NLGN4X: variants seen among roughly 807,000 people sequenced by gnomAD.
The protein encoded by NLGN4X is neuroligin 4 X-linked.
Under a neutral mutation model 40.3 loss-of-function variants are expected in NLGN4X, and 3 were observed. The observed-to-expected ratio is 0.07, with a 90% confidence interval of 0.03 to 0.19. The LOEUF is 0.19. Ranked by LOEUF, NLGN4X falls within the 10% of genes least tolerant of loss-of-function variation. The probability of loss-of-function intolerance (pLI) is 1.00; values close to 1 mark genes in which losing one functional copy is unlikely to be tolerated. For synonymous variants in NLGN4X, 270 were observed against 306.8 expected (o/e 0.88, Z 1.25); for missense variants, 382 against 708.3 (o/e 0.54, Z 5.23).
chrX:5,964,512 T>C (rs761705678), intron 3 of NLGN4X, among the ~76,000 whole-genome samples: 4 of 112,207 alleles, frequency 3.6e-5, no homozygotes, highest in Non-Finnish European at 5.6e-5. Flanking sequence ...TTTATTTTAC[T>C]CACTTGTTTT....
intron 3 of NLGN4X, among the ~76,000 whole-genome samples, chrX:5,932,566 G>C (rs1338390678): frequency 9.0e-6 from 1 of 111,648 alleles, no homozygotes. Context: ...TCAAATAGGA[G>C]ATTATAATAA....
intron 1 of NLGN4X, among the ~76,000 whole-genome samples, chrX:6,169,289 T>C (rs2040557633): frequency 8.9e-6 from 1 of 112,590 alleles, no homozygotes; most frequent in Non-Finnish European, 1.9e-5. Flanking sequence ...AGCCACTGGG[T>C]TCTTATTTAA....
Position 6,209,555 on chromosome X carries a change from C to T in NLGN4X, c.-306+18986G>A, listed in dbSNP as rs182909876. Among the ~76,000 whole-genome samples, 410 of 111,513 alleles carry T rather than the reference C, an allele frequency of 3.7e-3. 2 individuals are homozygous for T. The highest frequency in any genetic ancestry group is 0.012 in the African/African-American group (381 of 30,723). On this transcript the variant is annotated intron_variant, in intron 1 of 5. Coordinates refer to ENST00000381095, the MANE Select transcript of NLGN4X (RefSeq NM_181332.3). ...TCTTGTTTTGTAAGAGACATGCATC[C>T]TTTTAAAATATCTGAGTAAATCAAG...
intron 1 of NLGN4X, among the ~76,000 whole-genome samples, chrX:6,188,421 T>C (rs983803123): frequency 8.9e-6 from 1 of 111,768 alleles, no homozygotes; most frequent in African/African-American, 3.3e-5. Flanking sequence ...GAGCATATCA[T>C]AGAGATTGCG....
At position 6,200,186 on chromosome X, in the gene NLGN4X, A is replaced by G. The variant is rs779257357; in HGVS notation, c.-306+28355T>C. Among the ~76,000 whole-genome samples, 50 of 112,316 alleles carry G rather than the reference A, an allele frequency of 4.5e-4. No homozygotes were observed. In the South Asian group the frequency reaches 5.9e-3, roughly 13 times the overall value. ...ACATGTTTAGAGAATGCAGAGAAAA[A>G]TTCACTAACCCCCCAGATCCTCCAC... On this transcript the variant is annotated intron_variant, in intron 1 of 5. Transcript: ENST00000381095.
At chrX:5,996,722 C>T (rs1207830694) in intron 3 of NLGN4X, among the ~76,000 whole-genome samples, 1 of 110,203 alleles carries the variant, frequency 9.1e-6, no homozygotes, top group Non-Finnish European at 1.9e-5. Context: ...CCTCAGCCTC[C>T]CAAGTAGCTG....
chrX:6,134,254 T>C (rs186186727), intron 2 of NLGN4X, among the ~76,000 whole-genome samples: 155 of 112,059 alleles, frequency 1.4e-3, no homozygotes, highest in Admixed American at 3.3e-3. Flanking sequence ...TCAAATTCAC[T>C]GTCATTTGGT....
At chrX:5,998,840 C>T (rs1027982668) in intron 3 of NLGN4X, among the ~76,000 whole-genome samples, 1 of 112,711 alleles carries the variant, frequency 8.9e-6, no homozygotes, top group Non-Finnish European at 1.9e-5. Context: ...GTTTTCAAAA[C>T]TTTTGTCCAA....
At chrX:6,017,077 C>A (rs926019345) in intron 3 of NLGN4X, among the ~76,000 whole-genome samples, 1 of 111,396 alleles carries the variant, frequency 9.0e-6, no homozygotes, top group Non-Finnish European at 1.9e-5. Context: ...CATTGAATTG[C>A]ACACTTCAAA....
intron 1 of NLGN4X, among the ~76,000 whole-genome samples, chrX:6,160,983 T>C (rs1235761986): frequency 2.0e-5 from 2 of 98,739 alleles, no homozygotes; most frequent in African/African-American, 7.4e-5. Context: ...ATTCTATATA[T>C]AATATAGGAT....
intron 2 of NLGN4X, among the ~76,000 whole-genome samples, chrX:6,147,920 AATAGTT>A (rs1158847146): frequency 8.9e-6 from 1 of 112,299 alleles, no homozygotes; most frequent in Non-Finnish European, 1.9e-5. Flanking sequence ...TAAGGTAGGA[AATAGTT>A]ATAAAGACCC....
chrX:6,118,303 C>T (rs1389999571), intron 2 of NLGN4X, among the ~76,000 whole-genome samples: 1 of 111,348 alleles, frequency 9.0e-6, no homozygotes, highest in Non-Finnish European at 1.9e-5. Flanking sequence ...CTCTTCATGT[C>T]CACACTACTG....
At chrX:5,934,294 A>G (rs1371867214) in intron 3 of NLGN4X, among the ~76,000 whole-genome samples, 2 of 111,931 alleles carry the variant, frequency 1.8e-5, no homozygotes, top group Non-Finnish European at 3.8e-5. Flanking sequence ...TATTCACAAT[A>G]TACATCTCAA....
At chrX:5,931,604 T>C (rs767537873) in intron 3 of NLGN4X, among the ~76,000 whole-genome samples, 5 of 111,777 alleles carry the variant, frequency 4.5e-5, no homozygotes, top group Admixed American at 9.6e-5. Context: ...GAATCCTACC[T>C]TTAATGAGAA....
chrX:6,034,613 T>C (rs901291212), intron 2 of NLGN4X, among the ~76,000 whole-genome samples: 3 of 112,192 alleles, frequency 2.7e-5, no homozygotes, highest in Non-Finnish European at 5.6e-5. Context: ...CCAACGGTGG[T>C]ATAAAGGGTC....
At chrX:6,076,524 C>A (rs1292839153) in intron 2 of NLGN4X, among the ~76,000 whole-genome samples, 1 of 111,959 alleles carries the variant, frequency 8.9e-6, no homozygotes, top group East Asian at 2.8e-4. Flanking sequence ...ACATATTTTA[C>A]ATATTTTACA....
intron 3 of NLGN4X, among the ~76,000 whole-genome samples, chrX:5,992,234 G>A (rs1193391120): frequency 1.8e-5 from 2 of 112,220 alleles, no homozygotes; most frequent in African/African-American, 3.2e-5. Flanking sequence ...AGATCTAGAC[G>A]TGCCCAAAGT....
intron 3 of NLGN4X, among the ~76,000 whole-genome samples, chrX:5,958,187 A>T (rs1428578307): frequency 8.9e-6 from 1 of 111,865 alleles, no homozygotes. Flanking sequence ...GAGCAGTGAG[A>T]ACAAAAGTTG....
chrX:6,135,769 C>T (rs2039803847), intron 2 of NLGN4X, among the ~76,000 whole-genome samples: 1 of 111,668 alleles, frequency 9.0e-6, no homozygotes, highest in Non-Finnish European at 1.9e-5. Context: ...CCTACCACCA[C>T]ACACGGACAA....
Sources: gnomAD v4.1 joint callset for allele counts (sites outside exome capture counted in the v4.1 genomes callset) on GRCh38, gnomAD v4.1.1 for gene constraint, MANE v1.5 for transcripts, NCBI Gene and HGNC (gene_info 2026-07-23, HGNC 2026-07-21) for gene names.